The following CDC27 variants were observed in gnomAD, a reference collection of about 807,000 sequenced individuals.
CDC27 encodes cell division cycle 27, also known as cell division cycle protein 27 homolog.
A neutral mutation model predicts 109.7 loss-of-function variants in CDC27; 27 were observed. The observed-to-expected ratio is 0.25, with a 90% CI of 0.18 to 0.34. CDC27 has a LOEUF of 0.34. CDC27 is among the 10% of genes least tolerant of loss of function. The probability of loss-of-function intolerance (pLI) is 1.00; values close to 1 mark genes in which losing one functional copy is unlikely to be tolerated. For missense variants in CDC27, 579 were observed against 960.2 expected (o/e 0.60, Z 5.25); for synonymous variants, 266 against 333.9 (o/e 0.80, Z 2.22).
chr17:47,168,984 T>C (rs2063729966), intron 4 of CDC27, among the ~76,000 whole-genome samples: 1 of 116,402 alleles, frequency 8.6e-6, no homozygotes, highest in African/African-American at 2.8e-5. Flanking sequence ...GTTCTTTTTC[T>C]TTTTTTTTTT....
At chr17:47,133,028 T>TATATACACACAC (rs1555783886) in intron 14 of CDC27, among the ~76,000 whole-genome samples, 6 of 29,820 alleles carry the variant, frequency 2.0e-4, no homozygotes, top group South Asian at 1.1e-3. Context: ...TATATATATA[T>TATATACACACAC]ACACACACAC....
At chr17:47,147,595 G>A (rs914678487) in intron 9 of CDC27, among the ~76,000 whole-genome samples, 5 of 152,070 alleles carry the variant, frequency 3.3e-5, no homozygotes, top group Non-Finnish European at 5.9e-5. Context: ...AGAAGAGACT[G>A]GATGAGGTGG....
intron 10 of CDC27, 96 bp downstream of exon 10, chr17:47,143,787 T>C (rs2062869317): frequency 4.2e-6 from 2 of 474,240 alleles, no homozygotes; most frequent in South Asian, 1.8e-4. Flanking sequence ...CGAAATAGTC[T>C]CTTTGTTAAC....
chr17:47,158,180 C>A, intron 5 of CDC27, 26 bp downstream of exon 5: 2 of 1,075,420 alleles, frequency 1.9e-6, no homozygotes, highest in Non-Finnish European at 2.7e-6. Context: ...TGGGAACCCA[C>A]CCACCTCTCA....
intron 4 of CDC27, chr17:47,159,480 G>A (rs1015108329): frequency 5.3e-6 from 3 of 569,458 alleles, no homozygotes; most frequent in East Asian, 6.3e-5. Flanking sequence ...GCTCCTGGGG[G>A]TGCGACGAGG....
chr17:47,185,405 G>A (rs1009951138), intron 1 of CDC27, among the ~76,000 whole-genome samples: 20 of 152,066 alleles, frequency 1.3e-4, no homozygotes, highest in Non-Finnish European at 2.6e-4. Flanking sequence ...GGATGGTCTC[G>A]ATCTCCTGAC....
chr17:47,147,898 CAAA>C (rs893703763), intron 9 of CDC27, among the ~76,000 whole-genome samples: 4 of 45,608 alleles, frequency 8.8e-5, no homozygotes, highest in Non-Finnish European at 4.5e-5. Flanking sequence ...GACCCTGTCT[CAAA>C]AAAAAAAAAA....
At position 47,135,383 on chromosome 17, in the gene CDC27, C is replaced by T. The variant is rs76012916; in HGVS notation, c.1913+1769G>A. On this transcript the variant is annotated intron_variant, in intron 14 of 18. Transcript: ENST00000066544. Reference sequence around the variant, plus strand: ...AATATAGTGTGGATGGTTTATATTACGGAGACTTCTCATGGCCATAACTAG... The same window carrying T: ...AATATAGTGTGGATGGTTTATATTATGGAGACTTCTCATGGCCATAACTAG... Among the ~76,000 whole-genome samples, 77 of 151,526 alleles carry T rather than the reference C, an allele frequency of 5.1e-4. 1 individual carries two copies. The East Asian group carries it at 0.014, about 27-fold the overall frequency.
intron 18 of CDC27, among the ~76,000 whole-genome samples, chr17:47,122,187 T>G (rs2062001716): frequency 6.6e-6 from 1 of 151,946 alleles, no homozygotes; most frequent in South Asian, 2.1e-4. Context: ...GGTTACATAT[T>G]CAAACATAAA....
At chr17:47,185,448 G>T (rs1413676917) in intron 1 of CDC27, among the ~76,000 whole-genome samples, 2 of 152,172 alleles carry the variant, frequency 1.3e-5, no homozygotes, top group Admixed American at 1.3e-4. Flanking sequence ...CCCCCAAAGT[G>T]CTGGGATTAC....
chr17:47,161,822 A>G (rs1269468055), intron 4 of CDC27: 4 of 152,006 alleles, frequency 2.6e-5, no homozygotes, highest in South Asian at 2.1e-4. Context: ...AAATAGGTCA[A>G]TGACCATTTC....
Position 47,143,869 on chromosome 17 carries a change from A to T in CDC27, c.1170+14T>A. 1 of 1,324,472 alleles carries T rather than the reference A, an allele frequency of 7.6e-7. No individual in the cohort carries two copies. Among genetic ancestry groups the T allele is most frequent in the Non-Finnish European group, 1.0e-6 (1 of 991,156 alleles). The allele number at this position is 1,324,472 out of a possible 1,614,324, so 82.0% of individuals were successfully genotyped here. A position where few individuals can be genotyped will look rare whatever the true frequency, so the allele number is the denominator to read the frequency against. On this transcript the variant is annotated intron_variant, in intron 10 of 18. Transcript: ENST00000066544. ...GCATTAAGTAAATGTGACATACAGA[A>T]ATCTTTAAATTACCTTGGTTGTGGA...
chr17:47,133,438 G>GT (rs200764837), intron 14 of CDC27, among the ~76,000 whole-genome samples: 2,947 of 134,040 alleles, frequency 0.022, 47 homozygotes, highest in East Asian at 0.059. Flanking sequence ...GTGCCAAGCT[G>GT]TTTTTTTGTT....
intron 1 of CDC27, among the ~76,000 whole-genome samples, chr17:47,184,970 C>G (rs757439078): frequency 6.6e-6 from 1 of 152,110 alleles, no homozygotes; most frequent in Non-Finnish European, 1.5e-5. Flanking sequence ...AAGAACAACG[C>G]TCCTCTCCCT....
At chr17:47,171,371 T>C (rs1191954398) in intron 3 of CDC27, among the ~76,000 whole-genome samples, 1 of 152,190 alleles carries the variant, frequency 6.6e-6, no homozygotes, top group Non-Finnish European at 1.5e-5. Flanking sequence ...TCTAACACCG[T>C]TTACACATGT....
intron 17 of CDC27, among the ~76,000 whole-genome samples, chr17:47,123,312 A>C (rs942828698): frequency 6.6e-6 from 1 of 152,010 alleles, no homozygotes; most frequent in Non-Finnish European, 1.5e-5. Context: ...TCTGTAAAAA[A>C]CTGACTAGTC....
At chr17:47,189,112 C>A in intron 1 of CDC27, 34 bp downstream of exon 1, 2 of 1,608,572 alleles carry the variant, frequency 1.2e-6, no homozygotes, top group Non-Finnish European at 1.7e-6. Flanking sequence ...ACCGAGGCTG[C>A]CAGCCAAGCC....
rs3032863 is a variant in CDC27, at chr17:47,178,553, G to GA, written c.103+3008dup. Among the ~76,000 whole-genome samples the GA allele has an allele frequency of 4.1e-3, 571 of 137,926 alleles. 3 individuals are homozygous for GA. Among genetic ancestry groups the GA allele is most frequent in the African/African-American group, 0.013 (493 of 36,942 alleles). 90.5% of individuals were successfully genotyped at this position (137,926 alleles called of 152,430 possible). A position where few individuals can be genotyped will look rare whatever the true frequency, so the allele number is the denominator to read the frequency against. ...AAAATAAATAAATAAATAAAAATAA[G>GA]AAAAAAAAAAAAAAACCCTGAAAAG... is the stretch of plus-strand genomic sequence containing the variant. On this transcript the variant is annotated intron_variant, in intron 2 of 18. Transcript: ENST00000066544.
intron 15 of CDC27, among the ~76,000 whole-genome samples, chr17:47,129,800 G>A (rs1186966048): frequency 1.3e-5 from 2 of 152,010 alleles, no homozygotes; most frequent in Admixed American, 1.3e-4. Context: ...AAAAATCTAG[G>A]TCCTCTGGTA....
Sources: allele counts gnomAD v4.1 joint callset (sites outside exome capture counted in the v4.1 genomes callset), GRCh38; gene constraint gnomAD v4.1.1; transcripts MANE v1.5; gene names NCBI Gene and HGNC (gene_info 2026-07-23, HGNC 2026-07-21).